Variants in SLC4A10 observed in about 807,000 individuals in gnomAD.
The protein encoded by SLC4A10 is sodium-driven chloride bicarbonate exchanger.
In SLC4A10, 42 loss-of-function variants were observed where a neutral mutation model predicts 137.7. The ratio of observed to expected loss-of-function variants is 0.30; its 90% CI spans 0.24 to 0.39. The LOEUF (loss-of-function observed/expected upper bound fraction) is 0.39. SLC4A10 is among the 10% of genes least tolerant of loss of function. The probability of loss-of-function intolerance (pLI) is 1.00; values close to 1 mark genes in which losing one functional copy is unlikely to be tolerated. For synonymous variants in SLC4A10, 474 were observed against 464.1 expected (o/e 1.02, Z -0.27); for missense variants, 925 against 1,355.0 (o/e 0.68, Z 4.98).
At chr2:161,819,053 G>C (rs1247763485) in intron 3 of SLC4A10, among the ~76,000 whole-genome samples, 1 of 152,112 alleles carries the variant, frequency 6.6e-6, no homozygotes, top group East Asian at 1.9e-4. Flanking sequence ...CTCTTAAAAA[G>C]TTTTATTACT....
At chr2:161,876,318 A>G (rs1460039809) in intron 8 of SLC4A10, among the ~76,000 whole-genome samples, 2 of 152,174 alleles carry the variant, frequency 1.3e-5, no homozygotes, top group Admixed American at 1.3e-4. Context: ...GAGCTGCTTT[A>G]CATATTTATA....
At chr2:161,823,666 C>A (rs2057804712) in intron 3 of SLC4A10, among the ~76,000 whole-genome samples, 1 of 152,148 alleles carries the variant, frequency 6.6e-6, no homozygotes, top group Non-Finnish European at 1.5e-5. Context: ...CCGTTTCAGG[C>A]AGATAACATA....
chr2:161,904,955 T>C lies in SLC4A10; in HGVS notation c.1751+46T>C, dbSNP rs1376923980. 3 of 1,595,056 alleles carry C rather than the reference T, an allele frequency of 1.9e-6. No individual in the cohort carries two copies. In the East Asian group the frequency reaches 6.7e-5, roughly 36 times the overall value. On this transcript the variant is annotated intron_variant, in intron 14 of 26. Transcript: ENST00000446997. Reference sequence around the variant, plus strand: ...GGCCCTTAGCCTCTTCCTTTTTTCTTTACTGTATTTATACTTCTCCCAACA... The same window carrying C: ...GGCCCTTAGCCTCTTCCTTTTTTCTCTACTGTATTTATACTTCTCCCAACA...
At chr2:161,896,929 G>A (rs1252333830) in intron 11 of SLC4A10, among the ~76,000 whole-genome samples, 2 of 151,988 alleles carry the variant, frequency 1.3e-5, no homozygotes, top group South Asian at 2.1e-4. Flanking sequence ...TATGGCCTAA[G>A]AGAAAGCGCA....
Position 161,903,985 on chromosome 2 carries a change from G to C in SLC4A10, c.1443-19G>C, listed in dbSNP as rs373469603. ...TTTTATATTTGGGTTTCACTATTGT[G>C]TTTTCCCCCCTGTCTTAGGATTTTT... On this transcript the variant is annotated intron_variant, in intron 12 of 26. Coordinates refer to ENST00000446997, the MANE Select transcript of SLC4A10 (RefSeq NM_001178015.2). 1.9e-6 allele frequency: 3 copies of C among 1,548,986 alleles called. No individual in the cohort carries two copies. The highest frequency in any genetic ancestry group is 8.7e-7 in the Non-Finnish European group (1 of 1,145,578).
intron 15 of SLC4A10, among the ~76,000 whole-genome samples, chr2:161,926,363 A>T (rs1477856605): frequency 2.2e-5 from 2 of 89,050 alleles, no homozygotes; most frequent in Admixed American, 1.2e-4. Context: ...AGAGACTATG[A>T]TTGCAACCCC....
Position 161,944,574 on chromosome 2 carries a change from T to C in SLC4A10, c.2103+1677T>C, listed in dbSNP as rs568790681. Among the ~76,000 whole-genome samples the C allele has an allele frequency of 1.1e-4, 17 of 151,676 alleles. No homozygotes were observed. The South Asian group carries it at 1.7e-3, about 15-fold the overall frequency. Reference sequence around the variant, plus strand: ...TTTTGCAATTAAAGCAAATACAGCATTGTGGGGTTGTTGGTTTTTTTCTCT... The same window carrying C: ...TTTTGCAATTAAAGCAAATACAGCACTGTGGGGTTGTTGGTTTTTTTCTCT... On this transcript the variant is annotated intron_variant, in intron 16 of 26. Coordinates refer to ENST00000446997, the MANE Select transcript of SLC4A10 (RefSeq NM_001178015.2).
intron 16 of SLC4A10, among the ~76,000 whole-genome samples, chr2:161,945,191 T>C (rs1693537411): frequency 5.8e-5 from 1 of 17,140 alleles, no homozygotes; most frequent in African/African-American, 1.6e-4. Context: ...TGTATATATA[T>C]ATATATATAT....
At chr2:161,640,581 GCTTT>G (rs1574042158) in intron 1 of SLC4A10, among the ~76,000 whole-genome samples, 2 of 150,980 alleles carry the variant, frequency 1.3e-5, no homozygotes, top group Non-Finnish European at 3.0e-5. Context: ...TATGAAGTAA[GCTTT>G]CTCTTTCTTT....
intron 1 of SLC4A10, among the ~76,000 whole-genome samples, chr2:161,674,068 A>C (rs1046997251): frequency 1.3e-5 from 2 of 152,210 alleles, no homozygotes; most frequent in Admixed American, 6.6e-5. Flanking sequence ...TTAATACAAC[A>C]ATCACATTTA....
intron 1 of SLC4A10, among the ~76,000 whole-genome samples, chr2:161,754,442 C>T (rs1379976658): frequency 1.3e-5 from 2 of 152,068 alleles, no homozygotes; most frequent in African/African-American, 4.8e-5. Context: ...TTGGAAAAAA[C>T]ACTAAATATC....
chr2:161,933,207 CTTT>C (rs1690836672), intron 15 of SLC4A10, among the ~76,000 whole-genome samples: 1 of 118,616 alleles, frequency 8.4e-6, no homozygotes, highest in Non-Finnish European at 1.8e-5. Flanking sequence ...TTCTTTCTTT[CTTT>C]CTTTCTTTCT....
rs1700486152 is a variant in SLC4A10 at position 161,983,409 on chromosome 2, A to T, written c.*257A>T. ...CATTTCTGTGTTTAAACTTCTGAGC[A>T]GTGAGACATCCCTGTGAGCAGATAC... On this transcript the variant is annotated 3_prime_UTR_variant, in exon 27 of 27. Coordinates refer to ENST00000446997, the MANE Select transcript of SLC4A10 (RefSeq NM_001178015.2). 1 of 619,576 alleles carries T rather than the reference A, an allele frequency of 1.6e-6. No individual in the cohort carries two copies. The highest frequency in any genetic ancestry group is 3.0e-5 in the Admixed American group (1 of 33,526). The allele number at this position is 619,576 out of a possible 1,614,324, so 38.4% of individuals were successfully genotyped here.
chr2:161,703,986 G>A (rs917542012), intron 1 of SLC4A10, among the ~76,000 whole-genome samples: 2 of 151,556 alleles, frequency 1.3e-5, no homozygotes, highest in African/African-American at 2.4e-5. Context: ...TTATACATAC[G>A]TGGTGACCTA....
chr2:161,627,175 T>C (rs940382238), intron 1 of SLC4A10, among the ~76,000 whole-genome samples: 2 of 152,098 alleles, frequency 1.3e-5, no homozygotes, highest in Non-Finnish European at 2.9e-5. Flanking sequence ...GTAAAATGAA[T>C]ATATTATTGC....
At chr2:161,886,342 TA>T (rs201956503) in intron 10 of SLC4A10, among the ~76,000 whole-genome samples, 1 of 151,964 alleles carries the variant, frequency 6.6e-6, no homozygotes, top group African/African-American at 2.4e-5. Context: ...ACCCCATCCT[TA>T]AAAAAAATTA....
intron 10 of SLC4A10, among the ~76,000 whole-genome samples, chr2:161,888,905 G>T (rs546344650): frequency 6.6e-5 from 10 of 152,280 alleles, no homozygotes; most frequent in African/African-American, 2.4e-4. Flanking sequence ...TATTCAGTAT[G>T]ATATTGGCTG....
intron 1 of SLC4A10, among the ~76,000 whole-genome samples, chr2:161,706,282 G>T (rs1260036888): frequency 6.6e-6 from 1 of 151,438 alleles, no homozygotes; most frequent in African/African-American, 2.4e-5. Flanking sequence ...TTGTATTCTT[G>T]CTGTGACAAA....
intron 1 of SLC4A10, among the ~76,000 whole-genome samples, chr2:161,679,552 T>G (rs1302055931): frequency 2.6e-5 from 4 of 152,098 alleles, no homozygotes; most frequent in African/African-American, 9.7e-5. Context: ...TTGAAATTAG[T>G]GTTCCTCAAG....
Sources: allele counts gnomAD v4.1 joint callset (sites outside exome capture counted in the v4.1 genomes callset), GRCh38; gene constraint gnomAD v4.1.1; transcripts MANE v1.5; gene names NCBI Gene and HGNC (gene_info 2026-07-23, HGNC 2026-07-21).